The following SNX30 variants were observed in gnomAD, a reference collection of about 807,000 sequenced individuals.
SNX30 encodes the protein sorting nexin family member 30, also known as sorting nexin-30.
In SNX30, 24 loss-of-function variants were observed where a neutral mutation model predicts 46.4. The observed-to-expected ratio is 0.52, with a 90% CI of 0.37 to 0.73. The LOEUF (loss-of-function observed/expected upper bound fraction) is 0.73, where lower values mean the gene tolerates loss of function less well. SNX30 is among the 30% of genes least tolerant of loss of function. The pLI, the probability that SNX30 is intolerant of heterozygous loss-of-function variation, is 0.00. For synonymous variants in SNX30, 189 were observed against 211.5 expected, an observed-to-expected ratio of 0.89 and a Z score of 0.92; for missense variants, 533 against 555.7, an observed-to-expected ratio of 0.96 and a Z score of 0.41.
intron 4 of SNX30, among the ~76,000 whole-genome samples, chr9:112,834,961 G>A (rs1299056950): frequency 6.6e-6 from 1 of 151,678 alleles, no homozygotes; most frequent in Non-Finnish European, 1.5e-5. Context: ...GTGAATTCAC[G>A]AGGTGCCTAC....
At chr9:112,786,804 C>A (rs1839937022) in intron 1 of SNX30, among the ~76,000 whole-genome samples, 1 of 152,098 alleles carries the variant, frequency 6.6e-6, no homozygotes, top group South Asian at 2.1e-4. Flanking sequence ...CGCCTGGCCC[C>A]TTCTTGCCTT....
At chr9:112,844,856 G>A (rs1478745217) in intron 6 of SNX30, among the ~76,000 whole-genome samples, 2 of 152,196 alleles carry the variant, frequency 1.3e-5, no homozygotes. Flanking sequence ...TCCCCACAGG[G>A]CCACAAGGTG....
chr9:112,840,567 C>A (rs967917668), intron 6 of SNX30, among the ~76,000 whole-genome samples: 1 of 150,552 alleles, frequency 6.6e-6, no homozygotes, highest in African/African-American at 2.5e-5. Flanking sequence ...CTCACTGCAA[C>A]CTCTGCCTCC....
At chr9:112,828,637 A>G (rs1223747586) in intron 3 of SNX30, among the ~76,000 whole-genome samples, 1 of 152,214 alleles carries the variant, frequency 6.6e-6, no homozygotes, top group Non-Finnish European at 1.5e-5. Flanking sequence ...CGGAGATCTG[A>G]TCAGGGATCC....
intron 2 of SNX30, 79 bp downstream of exon 2, chr9:112,805,046 C>T (rs1277967520): frequency 5.1e-5 from 57 of 1,126,934 alleles, no homozygotes; most frequent in Non-Finnish European, 6.6e-5. Flanking sequence ...TTTGCCTTTG[C>T]TCTCCCCCTT....
At chr9:112,826,264 GA>G (rs1201378552) in intron 3 of SNX30, among the ~76,000 whole-genome samples, 6 of 152,156 alleles carry the variant, frequency 3.9e-5, no homozygotes, top group African/African-American at 1.2e-4. Flanking sequence ...ACTGGGTGGG[GA>G]TAGGGCAGAG....
chr9:112,763,360 CTTTTTTTTTTTTTTTTTT>C (rs751720343), intron 1 of SNX30, among the ~76,000 whole-genome samples: 1 of 47,566 alleles, frequency 2.1e-5, no homozygotes, highest in Non-Finnish European at 3.4e-5. Context: ...GCTATTTAAA[CTTTTTTTTTTTTTTTTTT>C]TTTTTTTTTT....
chr9:112,829,312 C>T (rs1418477216), intron 3 of SNX30, among the ~76,000 whole-genome samples: 2 of 152,160 alleles, frequency 1.3e-5, no homozygotes, highest in Admixed American at 6.5e-5. Flanking sequence ...CTCTGTAACC[C>T]AGGCTGGAGT....
At position 112,751,033 on chromosome 9, in the gene SNX30, C is replaced by T. The variant is rs764269330; in HGVS notation, c.32C>T (p.Ser11Phe). The T allele has an allele frequency of 4.1e-6, 6 of 1,448,580 alleles. No individual in the cohort carries two copies. In the East Asian group the frequency reaches 1.2e-4, roughly 29 times the overall value. The allele number at this position is 1,448,580 out of a possible 1,614,324, so 89.7% of individuals were successfully genotyped here. A position where few individuals can be genotyped will look rare whatever the true frequency, so the allele number is the denominator to read the frequency against. The part of the protein sequence containing the change: MAGGPPKALP[S>F]TGPHSLRDMP... ...GGCGGGCCCCCCAAGGCCCTGCCGT[C>T]CACGGGGCCCCACTCCCTGCGCGAC... Residue 11 changes from serine (S) to phenylalanine (F), a missense_variant, in exon 1 of 9, where the codon TCC becomes TTC. Around this residue, in one of 3 missense-constraint regions of SNX30, gnomAD observed 191 missense variants for 160.3 expected, o/e 1.19. Coordinates refer to ENST00000374232, the MANE Select transcript of SNX30 (RefSeq NM_001012994.2).
chr9:112,833,172 C>G (rs1395857322), intron 4 of SNX30, among the ~76,000 whole-genome samples: 2 of 152,164 alleles, frequency 1.3e-5, no homozygotes, highest in Non-Finnish European at 2.9e-5. Context: ...ATCTGAAACT[C>G]TATGCCCATT....
chr9:112,825,015 C>T (rs949868328), intron 3 of SNX30, among the ~76,000 whole-genome samples: 3 of 152,126 alleles, frequency 2.0e-5, no homozygotes, highest in East Asian at 1.9e-4. Flanking sequence ...TTTCCCAGCC[C>T]GGCTATAATG....
At chr9:112,797,143 C>A (rs892922718) in intron 1 of SNX30, among the ~76,000 whole-genome samples, 1 of 152,208 alleles carries the variant, frequency 6.6e-6, no homozygotes, top group Non-Finnish European at 1.5e-5. Flanking sequence ...AACCTCCAAA[C>A]CAAACAAGAT....
downstream of SNX30, chr9:112,879,589 C>A (rs946536567): frequency 3.5e-6 from 2 of 575,448 alleles, no homozygotes; most frequent in Non-Finnish European, 6.2e-6. Context: ...AAGTGCTTTT[C>A]CCCATCCACC....
intron 1 of SNX30, among the ~76,000 whole-genome samples, chr9:112,756,558 T>G (rs558041458): frequency 1.9e-4 from 28 of 148,850 alleles, no homozygotes; most frequent in African/African-American, 6.4e-4. Context: ...CCTCCAGGGT[T>G]CAAGCGATTT....
intron 1 of SNX30, among the ~76,000 whole-genome samples, chr9:112,759,946 T>G (rs910556624): frequency 2.0e-5 from 3 of 152,176 alleles, no homozygotes; most frequent in African/African-American, 7.2e-5. Context: ...AGCGAACCTT[T>G]AAGAAATGGG....
At chr9:112,860,862 A>G (rs971622763) in intron 7 of SNX30, among the ~76,000 whole-genome samples, 1 of 152,212 alleles carries the variant, frequency 6.6e-6, no homozygotes, top group African/African-American at 2.4e-5. Flanking sequence ...TATAATATTG[A>G]TACTGATATG....
At chr9:112,827,196 C>T (rs1030708533) in intron 3 of SNX30, among the ~76,000 whole-genome samples, 1 of 152,216 alleles carries the variant, frequency 6.6e-6, no homozygotes, top group Non-Finnish European at 1.5e-5. Context: ...AAGCTGCTGC[C>T]AGTCTTACAA....
At chr9:112,833,390 GCT>G (rs1564285111) in intron 4 of SNX30, among the ~76,000 whole-genome samples, 2 of 152,264 alleles carry the variant, frequency 1.3e-5, no homozygotes, top group East Asian at 3.9e-4. Flanking sequence ...GTATGTAATG[GCT>G]CATGCCTGTA....
downstream of SNX30, among the ~76,000 whole-genome samples, chr9:112,882,896 CA>C (rs927354018): frequency 6.6e-6 from 1 of 152,074 alleles, no homozygotes; most frequent in Non-Finnish European, 1.5e-5. Context: ...AATAGAACCC[CA>C]AACAATTCCT....
Sources: allele counts gnomAD v4.1 joint callset (sites outside exome capture counted in the v4.1 genomes callset), GRCh38; gene constraint gnomAD v4.1.1; regional missense constraint gnomAD v4.1.1; transcripts MANE v1.5; gene names NCBI Gene and HGNC (gene_info 2026-07-23, HGNC 2026-07-21).